The following ZNF665 variants were observed in gnomAD, a reference collection of about 807,000 sequenced individuals.
The protein encoded by ZNF665 is zinc finger protein 665.
A neutral mutation model predicts 7.9 loss-of-function variants in ZNF665; 6 were observed. The ratio of observed to expected loss-of-function variants is 0.76; its 90% CI spans 0.42 to 1.50. The LOEUF (loss-of-function observed/expected upper bound fraction) is 1.50. ZNF665 is among the 40% of genes most tolerant of loss of function. The probability of loss-of-function intolerance (pLI) is 0.01; values close to 1 mark genes in which losing one functional copy is unlikely to be tolerated. For synonymous variants in ZNF665, 242 were observed against 274.5 expected (o/e 0.88, Z 1.17); for missense variants, 819 against 806.7 (o/e 1.02, Z -0.18).
intron 1 of ZNF665, among the ~76,000 whole-genome samples, chr19:53,189,478 G>A (rs1487297969): frequency 6.8e-6 from 1 of 146,728 alleles, no homozygotes; most frequent in East Asian, 2.0e-4. Context: ...CTGGACAGGG[G>A]GCCCTTCCCT....
chr19:53,166,461 C>A (rs569347004), intron 3 of ZNF665, 114 bp from the exon 4 acceptor site: 2 of 970,074 alleles, frequency 2.1e-6, no homozygotes, highest in East Asian at 5.1e-5. Context: ...AACAGACTTA[C>A]GATTCTTCAG....
At chr19:53,173,019 C>G (rs999088892) in intron 3 of ZNF665, among the ~76,000 whole-genome samples, 1 of 152,140 alleles carries the variant, frequency 6.6e-6, no homozygotes, top group Admixed American at 6.6e-5. Context: ...GTTAATTGTT[C>G]CCTTTGCAGT....
At position 53,182,488 on chromosome 19, in the gene ZNF665, A is replaced by G; in HGVS notation, c.15+396T>C. ...TTTCCCCACAGTCGTCTCATTTTAC[A>G]GCATTTCGTGGGTGCTTGTACACAC... On this transcript the variant is annotated intron_variant, in intron 2 of 3. Coordinates refer to ENST00000396424, the MANE Select transcript of ZNF665 (RefSeq NM_024733.5). 7.6e-6 allele frequency: 4 copies of G among 526,450 alleles called. No homozygotes were observed. In the South Asian group the frequency reaches 1.1e-4, roughly 15 times the overall value. The allele number at this position is 526,450 out of a possible 1,614,324, so 32.6% of individuals were successfully genotyped here.
chr19:53,180,260 C>T (rs1369832497), intron 2 of ZNF665, among the ~76,000 whole-genome samples: 2 of 151,962 alleles, frequency 1.3e-5, no homozygotes, highest in Non-Finnish European at 2.9e-5. Context: ...TGGTAAAACC[C>T]CGTCTCTACT....
At chr19:53,181,615 T>C (rs1332365069) in intron 2 of ZNF665, 4 of 152,134 alleles carry the variant, frequency 2.6e-5, no homozygotes, top group Admixed American at 6.5e-5. Context: ...GTGAAAACAA[T>C]CTTCATTCTT....
intron 2 of ZNF665, among the ~76,000 whole-genome samples, chr19:53,177,754 A>C (rs2090709505): frequency 6.6e-6 from 1 of 152,202 alleles, no homozygotes; most frequent in Non-Finnish European, 1.5e-5. Flanking sequence ...AGCAATAGCA[A>C]TGACAGGGAT....
chr19:53,178,691 A>G (rs2090715658), intron 2 of ZNF665, among the ~76,000 whole-genome samples: 1 of 152,258 alleles, frequency 6.6e-6, no homozygotes, highest in Non-Finnish European at 1.5e-5. Context: ...ATGTGTTAAT[A>G]TATTCAAGTT....
chr19:53,175,359 A>T, intron 3 of ZNF665, 86 bp downstream of exon 3: 1 of 1,517,212 alleles, frequency 6.6e-7, no homozygotes, highest in Non-Finnish European at 8.9e-7. Flanking sequence ...TCATCAAGCA[A>T]TGCAGGGGCT....
At chr19:53,177,574 A>AC (rs78613056) in intron 2 of ZNF665, among the ~76,000 whole-genome samples, 2 of 151,414 alleles carry the variant, frequency 1.3e-5, no homozygotes, top group African/African-American at 4.9e-5. Flanking sequence ...ACAAAACAAA[A>AC]AAACCCAGCA....
intron 2 of ZNF665, chr19:53,182,550 G>A: frequency 1.5e-6 from 1 of 682,680 alleles, no homozygotes; most frequent in Non-Finnish European, 2.6e-6. Flanking sequence ...TCTTATCACA[G>A]TTTACACAGA....
chr19:53,180,936 T>C (rs1003444581), intron 2 of ZNF665: 1 of 152,210 alleles, frequency 6.6e-6, no homozygotes, highest in African/African-American at 2.4e-5. Context: ...GGACATTTTT[T>C]AATATCATAC....
At chr19:53,174,736 C>T (rs1214520840) in intron 3 of ZNF665, among the ~76,000 whole-genome samples, 2 of 151,954 alleles carry the variant, frequency 1.3e-5, no homozygotes, top group East Asian at 1.9e-4. Context: ...GTCAGGAGTT[C>T]GGGACTAGCC....
At chr19:53,185,354 T>C (rs937566876) in intron 1 of ZNF665, among the ~76,000 whole-genome samples, 20 of 152,140 alleles carry the variant, frequency 1.3e-4, no homozygotes, top group South Asian at 2.1e-4. Context: ...TGACAGAGGG[T>C]TCGCACTCTT....
In ZNF665 at chr19:53,175,552, T is replaced by A; in HGVS notation, c.35A>T (p.Asp12Val). 3.1e-6 allele frequency: 5 copies of A among 1,604,184 alleles called. No individual in the cohort carries two copies. Among genetic ancestry groups the A allele is most frequent in the Non-Finnish European group, 4.2e-6 (5 of 1,177,446 alleles). Residue 12 changes from aspartate to valine, a missense_variant, in exon 3 of 4, where the codon GAT becomes GTT. By Grantham distance (152) the Asp-to-Val change is radical (BLOSUM62 -3). Coordinates refer to ENST00000396424, the MANE Select transcript of ZNF665 (RefSeq NM_024733.5). ...ALPQGQLTFK[D>V]VAIEFSQEEW... The stretch of plus-strand genomic sequence containing the variant: ...CTCCTGAGAGAATTCTATGGCCACA[T>A]CCTTGAATGTCAACTGTCCCTAAAA...
chr19:53,172,046 A>C (rs1211829862), intron 3 of ZNF665, among the ~76,000 whole-genome samples: 1 of 152,118 alleles, frequency 6.6e-6, no homozygotes, highest in Non-Finnish European at 1.5e-5. Flanking sequence ...GAGCCACCAC[A>C]CCCGGCCAGA....
intron 3 of ZNF665, among the ~76,000 whole-genome samples, chr19:53,171,524 A>ATTTTTTTTTTTT (rs1215685651): frequency 8.7e-5 from 6 of 69,318 alleles, no homozygotes; most frequent in African/African-American, 3.1e-4. Flanking sequence ...ATATATATAT[A>ATTTTTTTTTTTT]TTTTTTTTTT....
At chr19:53,189,160 G>A (rs117704570) in intron 1 of ZNF665, among the ~76,000 whole-genome samples, 1,989 of 151,870 alleles carry the variant, frequency 0.013, 26 homozygotes, top group South Asian at 0.034. Context: ...CACAGTGGAG[G>A]AGGGAGCCAC....
At position 53,164,574 on chromosome 19, in the gene ZNF665, G is replaced by A; in HGVS notation, c.1916C>T (p.Ser639Leu). 1 of 1,614,166 alleles carries A rather than the reference G, an allele frequency of 6.2e-7. No individual in the cohort carries two copies. The highest frequency in any genetic ancestry group is 8.5e-7 in the Non-Finnish European group (1 of 1,180,000). ...NECGKAFSVR[S>L]TLTTHMAVHT... ...GACTGCCATATGGGTAGTTAGGGTT[G>A]AACGAACACTGAAGGCTTTCCCACA... Residue 639 changes from serine (S) to leucine (L), a missense_variant, in exon 4 of 4, where the codon TCA becomes TTA. Coordinates refer to ENST00000396424, the MANE Select transcript of ZNF665 (RefSeq NM_024733.5).
intron 1 of ZNF665, among the ~76,000 whole-genome samples, chr19:53,184,350 CTATTT>C (rs1402959365): frequency 2.0e-5 from 3 of 152,180 alleles, no homozygotes; most frequent in Non-Finnish European, 2.9e-5. Flanking sequence ...CATATCTTCT[CTATTT>C]TAAATACATG....
Sources: allele counts gnomAD v4.1 joint callset (sites outside exome capture counted in the v4.1 genomes callset), GRCh38; gene constraint gnomAD v4.1.1; transcripts MANE v1.5; gene names NCBI Gene and HGNC (gene_info 2026-07-23, HGNC 2026-07-21).